The following KDM5A variants were observed in gnomAD, a reference collection of about 807,000 sequenced individuals.
KDM5A encodes the protein lysine-specific demethylase 5A.
In KDM5A, 42 loss-of-function variants were observed where a neutral mutation model predicts 193.5. That is an observed-to-expected ratio of 0.22 (90% CI 0.17 to 0.28). The LOEUF is 0.28. KDM5A is among the 10% of genes least tolerant of loss of function. The pLI is 1.00. For synonymous variants in KDM5A, 796 were observed against 718.1 expected (o/e 1.11, Z -1.73); for missense variants, 1,692 against 2,055.1 (o/e 0.82, Z 3.42).
At chr12:372,708 G>A (rs1944445198) in intron 3 of KDM5A, among the ~76,000 whole-genome samples, 1 of 152,176 alleles carries the variant, frequency 6.6e-6, no homozygotes, top group South Asian at 2.1e-4. Context: ...TGCCCATCCA[G>A]TATGATATTG....
At chr12:382,292 G>A (rs1036949138) in intron 3 of KDM5A, among the ~76,000 whole-genome samples, 3 of 152,002 alleles carry the variant, frequency 2.0e-5, no homozygotes, top group Non-Finnish European at 2.9e-5. Flanking sequence ...TTAGCCAGGT[G>A]TGGTGGCAGG....
At chr12:344,003 A>C (rs1944038504) in intron 10 of KDM5A, among the ~76,000 whole-genome samples, 2 of 152,224 alleles carry the variant, frequency 1.3e-5, no homozygotes, top group African/African-American at 4.8e-5. Context: ...ATCGCAAGGA[A>C]GCTAAAAACC....
chr12:388,837 C>G (rs1299100577), intron 1 of KDM5A, 90 bp downstream of exon 1: 6 of 1,440,932 alleles, frequency 4.2e-6, no homozygotes, highest in Non-Finnish European at 5.9e-6. Context: ...ACATATGAAA[C>G]GAGACAAGGA....
intron 15 of KDM5A, 37 bp from the exon 16 acceptor site, chr12:323,243 A>C: frequency 1.3e-6 from 2 of 1,499,032 alleles, no homozygotes; most frequent in Admixed American, 4.6e-5. Flanking sequence ...AAAAAAAGAA[A>C]ACAGAAATAA....
intron 2 of KDM5A, among the ~76,000 whole-genome samples, chr12:384,679 A>G (rs1209236937): frequency 6.6e-6 from 1 of 152,248 alleles, no homozygotes; most frequent in Non-Finnish European, 1.5e-5. Context: ...ACTCTGATTT[A>G]TGTAAAAAGT....
At chr12:337,408 G>A (rs1017906311) in intron 10 of KDM5A, among the ~76,000 whole-genome samples, 1 of 152,134 alleles carries the variant, frequency 6.6e-6, no homozygotes, top group Non-Finnish European at 1.5e-5. Flanking sequence ...CATTCTAGGA[G>A]GAAGAGCTAC....
rs554708504 is a variant in KDM5A, at chr12:348,757, G to A, written c.1308+1864C>T. The stretch of plus-strand genomic sequence containing the variant: ...CGGGGAACATCACACACTGGGGCCT[G>A]TCAGGGGGTGGGGGGCTGGAGGAGG... On this transcript the variant is annotated intron_variant, in intron 10 of 27. Coordinates refer to ENST00000399788, the MANE Select transcript of KDM5A (RefSeq NM_001042603.3). Among the ~76,000 whole-genome samples the A allele has an allele frequency of 3.1e-3, 465 of 151,824 alleles. 2 individuals are homozygous for A. The highest frequency in any genetic ancestry group is 0.01 in the African/African-American group (417 of 41,380).
At chr12:370,254 G>A (rs1208272967) in intron 3 of KDM5A, among the ~76,000 whole-genome samples, 3 of 152,086 alleles carry the variant, frequency 2.0e-5, no homozygotes, top group African/African-American at 7.2e-5. Flanking sequence ...TTAGCAGGGC[G>A]TGGTGGCAGG....
intron 1 of KDM5A, among the ~76,000 whole-genome samples, chr12:386,729 T>G (rs1322711072): frequency 1.3e-5 from 2 of 152,124 alleles, no homozygotes; most frequent in Non-Finnish European, 2.9e-5. Flanking sequence ...TGATTTCGGA[T>G]TTGGAATTTT....
At chr12:329,510 A>G (rs966258327) in intron 13 of KDM5A, among the ~76,000 whole-genome samples, 16 of 152,040 alleles carry the variant, frequency 1.1e-4, no homozygotes, top group Admixed American at 7.9e-4. Context: ...AAAAAATAGG[A>G]AAGGGGAAAA....
In KDM5A at chr12:283,821, T is replaced by C. The variant is rs1943183647; in HGVS notation, c.*1635A>G. On this transcript the variant is annotated 3_prime_UTR_variant, in exon 28 of 28. Transcript: ENST00000399788. ...CACTATTTTTAGTCATTTTTTTTTT[T>C]GTCCTTTAAAAAAAAATTAGTCCCC... The C allele has an allele frequency of 4.4e-6, 1 of 229,604 alleles. No homozygotes were observed. Among genetic ancestry groups the C allele is most frequent in the East Asian group, 6.1e-5 (1 of 16,448 alleles). The allele number at this position is 229,604 out of a possible 1,614,324, so 14.2% of individuals were successfully genotyped here.
intron 3 of KDM5A, among the ~76,000 whole-genome samples, chr12:369,737 T>A (rs968453347): frequency 2.0e-5 from 3 of 151,992 alleles, no homozygotes; most frequent in Admixed American, 6.6e-5. Flanking sequence ...TAAAGCAAAG[T>A]GAACAAGCAG....
Position 321,073 on chromosome 12 carries a change from C to A in KDM5A, c.2463G>T (p.Leu821=). 6.2e-7 allele frequency: 1 copy of A among 1,614,050 alleles called. No homozygotes were observed. Among genetic ancestry groups the A allele is most frequent in the South Asian group, 1.1e-5 (1 of 91,074 alleles). Reference sequence around the variant, plus strand: ...CAAAGGCCTTCAATTCTTCCACTGTCAGTTTGGTCCGAGTCCTCCCACTAT... The same window carrying A: ...CAAAGGCCTTCAATTCTTCCACTGTAAGTTTGGTCCGAGTCCTCCCACTAT... The part of the protein sequence containing the change: ...SPDSGRTRTK[L]TVEELKAFVQ... The change falls in exon 18 of 28, where the codon CTG becomes CTT. Residue 821 remains leucine (L), a synonymous_variant. Transcript: ENST00000399788.
chr12:349,259 A>T (rs894784844), intron 10 of KDM5A, among the ~76,000 whole-genome samples: 13 of 151,006 alleles, frequency 8.6e-5, no homozygotes, highest in Non-Finnish European at 1.2e-4. Context: ...ACTTCAGGTG[A>T]TCCACTGGCC....
At position 313,041 on chromosome 12, in the gene KDM5A, CAA is replaced by C. The variant is rs766427503; in HGVS notation, c.3036+13_3036+14del. 2 of 1,613,630 alleles carry C rather than the reference CAA, an allele frequency of 1.2e-6. No individual in the cohort carries two copies. On this transcript the variant is annotated intron_variant, in intron 20 of 27. Transcript: ENST00000399788. Reference sequence around the variant, plus strand: ...GCATTACCTGATAGGTGGGATAATCCAAAAGTCTTCTTACCTGAATAGCTTCC... The same window carrying C: ...GCATTACCTGATAGGTGGGATAATCCAAGTCTTCTTACCTGAATAGCTTCC...
chr12:310,807 T>C, intron 21 of KDM5A, 78 bp downstream of exon 21: 2 of 1,451,680 alleles, frequency 1.4e-6, no homozygotes, highest in Non-Finnish European at 1.9e-6. Context: ...GGTAATCAGA[T>C]AAACTGAAAA....
chr12:306,740 C>A (rs1943511420), intron 24 of KDM5A, among the ~76,000 whole-genome samples: 9 of 145,674 alleles, frequency 6.2e-5, no homozygotes, highest in Admixed American at 6.1e-4. Context: ...GAGACTCCAT[C>A]TCCAAAAAAA....
At chr12:308,066 A>C in intron 22 of KDM5A, 61 bp from the exon 23 acceptor site, 1 of 1,514,440 alleles carries the variant, frequency 6.6e-7, no homozygotes, top group Non-Finnish European at 9.1e-7. Context: ...AAAATACCAA[A>C]TCCTCAAGGC....
Position 303,505 on chromosome 12 carries a change from C to G in KDM5A, c.4074+3441G>C, listed in dbSNP as rs149249279. On this transcript the variant is annotated intron_variant, in intron 24 of 27. Coordinates refer to ENST00000399788, the MANE Select transcript of KDM5A (RefSeq NM_001042603.3). ...GGGAGGGGAACATCACACAGCAGGGCCTGTCCAGGGGTGCAGGCCTAGGGG... is the reference window on the plus strand; with the variant it reads ...GGGAGGGGAACATCACACAGCAGGGGCTGTCCAGGGGTGCAGGCCTAGGGG... Among the ~76,000 whole-genome samples the G allele has an allele frequency of 2.7e-3, 414 of 152,260 alleles. 2 individuals are homozygous for G. The highest frequency in any genetic ancestry group is 9.6e-3 in the African/African-American group (397 of 41,564).
Sources: gnomAD v4.1 joint callset for allele counts (sites outside exome capture counted in the v4.1 genomes callset) on GRCh38, gnomAD v4.1.1 for gene constraint, MANE v1.5 for transcripts, NCBI Gene and HGNC (gene_info 2026-07-23, HGNC 2026-07-21) for gene names.